The following ANKS1B variants were observed in gnomAD, a reference collection of about 807,000 sequenced individuals.
The protein encoded by ANKS1B is ankyrin repeat and sterile alpha motif domain-containing protein 1B.
A neutral mutation model predicts 148.3 loss-of-function variants in ANKS1B; 36 were observed. The ratio of observed to expected loss-of-function variants is 0.24; its 90% CI spans 0.19 to 0.32. ANKS1B has a LOEUF of 0.32. Ranked by LOEUF, ANKS1B falls within the 10% of genes least tolerant of loss-of-function variation. The pLI, the probability that ANKS1B is intolerant of heterozygous loss-of-function variation, is 1.00. For synonymous variants in ANKS1B, 542 were observed against 560.8 expected, an observed-to-expected ratio of 0.97 and a Z score of 0.47; for missense variants, 1,157 against 1,542.6, an observed-to-expected ratio of 0.75 and a Z score of 4.19.
intron 1 of ANKS1B, among the ~76,000 whole-genome samples, chr12:99,950,442 C>CATGAATATATATATATATT (rs1218200151): frequency 9.9e-5 from 15 of 152,034 alleles, no homozygotes; most frequent in African/African-American, 3.6e-4. Flanking sequence ...CACATACTTT[C>CATGAATATATATATATATT]CTTTCCCCGT....
chr12:99,982,547 T>C (rs1039281086), intron 1 of ANKS1B, among the ~76,000 whole-genome samples: 3 of 152,224 alleles, frequency 2.0e-5, no homozygotes, highest in Non-Finnish European at 4.4e-5. Context: ...ATAATCATTT[T>C]TATAACTGAT....
chr12:99,236,366 G>A (rs1022871414), intron 14 of ANKS1B, among the ~76,000 whole-genome samples: 14 of 152,286 alleles, frequency 9.2e-5, no homozygotes, highest in Admixed American at 6.5e-4. Flanking sequence ...TCGCAGTTTC[G>A]CATGGCTGAG....
intron 5 of ANKS1B, among the ~76,000 whole-genome samples, chr12:99,781,232 T>C (rs2064290047): frequency 2.0e-5 from 3 of 152,150 alleles, no homozygotes; most frequent in African/African-American, 7.2e-5. Context: ...ATGACAAAGT[T>C]AAATATAAAT....
At chr12:99,432,719 T>C (rs2095397009) in intron 11 of ANKS1B, among the ~76,000 whole-genome samples, 1 of 152,114 alleles carries the variant, frequency 6.6e-6, no homozygotes, top group South Asian at 2.1e-4. Context: ...AATAATGACC[T>C]GAAGGAAGGA....
At chr12:99,276,376 T>C (rs981185585) in intron 12 of ANKS1B, among the ~76,000 whole-genome samples, 3 of 152,086 alleles carry the variant, frequency 2.0e-5, no homozygotes, top group Non-Finnish European at 4.4e-5. Flanking sequence ...CCCTTTAAAG[T>C]GATGATTAAA....
chr12:99,195,288 A>G (rs1236100617), intron 14 of ANKS1B, among the ~76,000 whole-genome samples: 1 of 152,158 alleles, frequency 6.6e-6, no homozygotes, highest in Admixed American at 6.5e-5. Flanking sequence ...ATAACGTAAT[A>G]AACATGTTAA....
intron 14 of ANKS1B, among the ~76,000 whole-genome samples, chr12:99,170,760 T>C (rs2077670012): frequency 6.6e-6 from 1 of 152,096 alleles, no homozygotes; most frequent in African/African-American, 2.4e-5. Context: ...GTTGAAGGCT[T>C]TGTCTTATCT....
chr12:99,186,932 C>A (rs2079941692), intron 14 of ANKS1B, among the ~76,000 whole-genome samples: 1 of 149,764 alleles, frequency 6.7e-6, no homozygotes, highest in Non-Finnish European at 1.5e-5. Context: ...TTCCTCCGAG[C>A]TAAAGGAGCA....
chr12:99,556,136 G>A (rs2097273832), intron 9 of ANKS1B, among the ~76,000 whole-genome samples: 1 of 152,042 alleles, frequency 6.6e-6, no homozygotes, highest in South Asian at 2.1e-4. Flanking sequence ...CAGGATTTCA[G>A]TTTCTTCCTG....
chr12:99,828,458 C>A (rs946787917), intron 1 of ANKS1B, among the ~76,000 whole-genome samples: 2 of 152,098 alleles, frequency 1.3e-5, no homozygotes, highest in African/African-American at 2.4e-5. Context: ...AAAACCTCCA[C>A]TCTCAAATAT....
chr12:99,697,952 G>A (rs1387612183), intron 8 of ANKS1B, among the ~76,000 whole-genome samples: 1 of 151,904 alleles, frequency 6.6e-6, no homozygotes, highest in Non-Finnish European at 1.5e-5. Context: ...TGCATACATA[G>A]CATGCTTTTG....
intron 16 of ANKS1B, among the ~76,000 whole-genome samples, chr12:99,063,135 T>C (rs1463271053): frequency 1.3e-5 from 2 of 152,198 alleles, no homozygotes; most frequent in Non-Finnish European, 2.9e-5. Context: ...CAGGCTCAGC[T>C]ACTTAAACTT....
In ANKS1B at chr12:99,644,251, T is replaced by C. The variant is rs148218952; in HGVS notation, c.1272+10816A>G. ...CTTTCCTCCAGTTTTCAATAACATG[T>C]TTCCTATTTATTTCTGAGTCCTTAT... On this transcript the variant is annotated intron_variant, in intron 9 of 26. Coordinates refer to ENST00000683438, the MANE Select transcript of ANKS1B (RefSeq NM_001352186.2). Among the ~76,000 whole-genome samples, 9 of 152,314 alleles carry C rather than the reference T, an allele frequency of 5.9e-5. 1 individual carries two copies. In the East Asian group the frequency reaches 1.7e-3, roughly 29 times the overall value.
At chr12:99,084,881 C>T (rs2051097364) in intron 16 of ANKS1B, 44 bp downstream of exon 16, 1 of 1,492,316 alleles carries the variant, frequency 6.7e-7, no homozygotes, top group Non-Finnish European at 9.2e-7. Flanking sequence ...CTCAAAATCA[C>T]TGGGAACCGT....
At chr12:98,915,573 G>A (rs1055667219) in intron 17 of ANKS1B, among the ~76,000 whole-genome samples, 6 of 152,026 alleles carry the variant, frequency 3.9e-5, no homozygotes, top group South Asian at 2.1e-4. Context: ...GGCTGATCTC[G>A]AACTCCTGAT....
intron 19 of ANKS1B, among the ~76,000 whole-genome samples, chr12:98,814,911 A>C (rs868357323): frequency 5.3e-5 from 8 of 152,194 alleles, no homozygotes; most frequent in Admixed American, 6.5e-5. Context: ...TAGCTCTGGA[A>C]ATGTTTTCTT....
At chr12:99,924,358 G>A (rs763181062) in intron 1 of ANKS1B, among the ~76,000 whole-genome samples, 2 of 152,096 alleles carry the variant, frequency 1.3e-5, no homozygotes, top group Non-Finnish European at 2.9e-5. Flanking sequence ...CATTACTCAA[G>A]GAATTGTTCT....
At chr12:99,620,973 C>T (rs954175264) in intron 9 of ANKS1B, among the ~76,000 whole-genome samples, 1 of 152,000 alleles carries the variant, frequency 6.6e-6, no homozygotes, top group African/African-American at 2.4e-5. Context: ...TGTCCAAAGT[C>T]AACACTAAAG....
At chr12:98,994,012 GTAAT>G (rs1049969107) in intron 17 of ANKS1B, among the ~76,000 whole-genome samples, 7 of 152,116 alleles carry the variant, frequency 4.6e-5, no homozygotes, top group Non-Finnish European at 8.8e-5. Flanking sequence ...CTATCACATT[GTAAT>G]TAATTAAAAC....
Sources: allele counts gnomAD v4.1 joint callset (sites outside exome capture counted in the v4.1 genomes callset), GRCh38; gene constraint gnomAD v4.1.1; transcripts MANE v1.5; gene names NCBI Gene and HGNC (gene_info 2026-07-23, HGNC 2026-07-21).